TASP1: variants seen among roughly 807,000 people sequenced by gnomAD.
TASP1 encodes the protein threonine aspartase 1.
In TASP1, 16 loss-of-function variants were observed where a neutral mutation model predicts 56.6. The observed-to-expected ratio is 0.28, with a 90% confidence interval of 0.19 to 0.43. The LOEUF (loss-of-function observed/expected upper bound fraction) is 0.43, where lower values mean the gene tolerates loss of function less well. Ranked by LOEUF, TASP1 falls within the 20% of genes least tolerant of loss-of-function variation. The pLI is 1.00. For missense variants in TASP1, 393 were observed against 511.6 expected, an observed-to-expected ratio of 0.77 and a Z score of 2.24; for synonymous variants, 179 against 184.2, an observed-to-expected ratio of 0.97 and a Z score of 0.23.
In TASP1 at chr20:13,433,520, C is replaced by CAAAA. The variant is rs74746255; in HGVS notation, c.1096+1520_1096+1523dup. Among the ~76,000 whole-genome samples the CAAAA allele has an allele frequency of 1.3e-3, 119 of 89,168 alleles. 2 individuals are homozygous for CAAAA. The highest frequency in any genetic ancestry group is 2.1e-3 in the Non-Finnish European group (97 of 46,632). The allele number at this position is 89,168 out of a possible 152,430, so 58.5% of individuals were successfully genotyped here. A position where few individuals can be genotyped will look rare whatever the true frequency, so the allele number is the denominator to read the frequency against. On this transcript the variant is annotated intron_variant, in intron 12 of 13. Transcript: ENST00000337743. ...CAGAGGGTAGAAGGAGACAGTATGG[C>CAAAA]AAAAAAAAAAAAAAAAAAAAATACA... is the stretch of plus-strand genomic sequence containing the variant.
At chr20:13,159,923 C>T in the TASP1 span, 1 of 1,431,348 alleles carries the variant, frequency 7.0e-7, no homozygotes, top group Non-Finnish European at 9.3e-7. Flanking sequence ...ATCAATTAGC[C>T]ATATTCCTTT....
chr20:13,251,292 A>C, the TASP1 span, among the ~76,000 whole-genome samples: 10 of 152,190 alleles, frequency 6.6e-5, no homozygotes, highest in Admixed American at 6.5e-4. Flanking sequence ...GGCAGTGGAT[A>C]AGTCAGCTTT....
At chr20:13,320,701 C>G in the TASP1 span, among the ~76,000 whole-genome samples, 1 of 152,180 alleles carries the variant, frequency 6.6e-6, no homozygotes, top group Non-Finnish European at 1.5e-5. Flanking sequence ...AGTCTCACTG[C>G]TCCATATTTC....
the TASP1 span, among the ~76,000 whole-genome samples, chr20:13,172,240 T>C: frequency 6.6e-6 from 1 of 152,062 alleles, no homozygotes; most frequent in African/African-American, 2.4e-5. Context: ...TACACCTTCA[T>C]AAAATTTTTA....
chr20:13,136,891 A>G, the TASP1 span, among the ~76,000 whole-genome samples: 1 of 152,078 alleles, frequency 6.6e-6, no homozygotes, highest in Non-Finnish European at 1.5e-5. Context: ...TCCTTCTTTA[A>G]TTATCTTAGA....
the TASP1 span, among the ~76,000 whole-genome samples, chr20:13,326,913 T>C: frequency 5.3e-5 from 8 of 152,214 alleles, no homozygotes; most frequent in Non-Finnish European, 1.0e-4. Flanking sequence ...AAGACAAGGA[T>C]GCCCTCTCTC....
intron 4 of TASP1, among the ~76,000 whole-genome samples, chr20:13,588,762 T>C (rs1280495252): frequency 6.6e-6 from 1 of 152,132 alleles, no homozygotes; most frequent in East Asian, 1.9e-4. Flanking sequence ...TTCAAAATAA[T>C]CCTTTATCAA....
the TASP1 span, chr20:13,165,080 C>G: frequency 2.0e-6 from 1 of 503,112 alleles, no homozygotes; most frequent in Non-Finnish European, 3.5e-6. Flanking sequence ...CTCTCTTCTT[C>G]CAAGTATTCT....
intron 5 of TASP1, among the ~76,000 whole-genome samples, chr20:13,583,842 G>A (rs368547867): frequency 2.6e-5 from 4 of 152,276 alleles, no homozygotes; most frequent in African/African-American, 9.6e-5. Flanking sequence ...AGCACTTTAG[G>A]AGGCTGGTGG....
At chr20:13,638,504 C>G (rs1026248105) in intron 1 of TASP1, among the ~76,000 whole-genome samples, 4 of 152,154 alleles carry the variant, frequency 2.6e-5, no homozygotes, top group African/African-American at 9.7e-5. Context: ...GGCTGCCTTA[C>G]CCCCAACCCG....
intron 4 of TASP1, among the ~76,000 whole-genome samples, chr20:13,595,694 C>T (rs1016986741): frequency 1.3e-4 from 20 of 152,112 alleles, no homozygotes; most frequent in Non-Finnish European, 2.4e-4. Context: ...AATATATATG[C>T]ACCAAATACA....
At chr20:13,598,997 A>G (rs2047852801) in intron 4 of TASP1, among the ~76,000 whole-genome samples, 1 of 152,210 alleles carries the variant, frequency 6.6e-6, no homozygotes, top group African/African-American at 2.4e-5. Flanking sequence ...CACACCAATT[A>G]GAACGGCGAT....
chr20:13,635,891 T>C (rs373767845), intron 1 of TASP1, among the ~76,000 whole-genome samples: 1 of 152,158 alleles, frequency 6.6e-6, no homozygotes. Flanking sequence ...TCTTGCCTCA[T>C]CTCTCTAAAA....
At chr20:13,522,075 G>T (rs936458432) in intron 10 of TASP1, among the ~76,000 whole-genome samples, 12 of 152,176 alleles carry the variant, frequency 7.9e-5, no homozygotes, top group Non-Finnish European at 1.3e-4. Context: ...TGCGTGGCAT[G>T]TGTGAAGTAC....
the TASP1 span, among the ~76,000 whole-genome samples, chr20:13,120,815 C>T: frequency 6.6e-6 from 1 of 152,222 alleles, no homozygotes; most frequent in Non-Finnish European, 1.5e-5. Context: ...CTGTGATCCC[C>T]ACTTTCCACC....
chr20:13,299,617 C>T, the TASP1 span: 1 of 739,922 alleles, frequency 1.4e-6, no homozygotes, highest in Admixed American at 2.9e-5. The surrounding 1 kb of genome is among the most constrained non-coding windows in gnomAD (Gnocchi z 5.8). Flanking sequence ...GGGCGTGTGC[C>T]ACGCCCAGGG....
chr20:13,286,713 G>T, the TASP1 span, among the ~76,000 whole-genome samples: 4 of 152,318 alleles, frequency 2.6e-5, no homozygotes, highest in Non-Finnish European at 5.9e-5. Context: ...CCACAGCCCT[G>T]TGTTTGCCTG....
chr20:13,501,706 A>G (rs539955429), intron 10 of TASP1, among the ~76,000 whole-genome samples: 4 of 152,124 alleles, frequency 2.6e-5, no homozygotes, highest in South Asian at 4.2e-4. Context: ...ACTCCATGTA[A>G]AAGGCACGGG....
the TASP1 span, among the ~76,000 whole-genome samples, chr20:13,142,114 A>G: frequency 6.6e-6 from 1 of 152,236 alleles, no homozygotes; most frequent in Admixed American, 6.5e-5. Context: ...AGAGTTAGCC[A>G]AGGGTAGACT....
Sources: allele counts gnomAD v4.1 joint callset (sites outside exome capture counted in the v4.1 genomes callset), GRCh38; gene constraint gnomAD v4.1.1; non-coding constraint Gnocchi (gnomAD v3.1); transcripts MANE v1.5; gene names NCBI Gene and HGNC (gene_info 2026-07-23, HGNC 2026-07-21).